ZNF292: variants seen among roughly 807,000 people sequenced by gnomAD.
ZNF292 encodes the protein zinc finger protein 292, also known as 16 zinc-finger domain protein.
ZNF292 carries 26 observed loss-of-function variants against 217.9 expected under a neutral mutation model. That is an observed-to-expected ratio of 0.12 (90% CI 0.09 to 0.17). The LOEUF is 0.17. Ranked by LOEUF, ZNF292 falls within the 10% of genes least tolerant of loss-of-function variation. The pLI is 1.00. For synonymous variants in ZNF292, 1,257 were observed against 1,124.1 expected, an observed-to-expected ratio of 1.12 and a Z score of -2.37; for missense variants, 2,904 against 3,175.2, an observed-to-expected ratio of 0.91 and a Z score of 2.05.
intron 1 of ZNF292, among the ~76,000 whole-genome samples, chr6:87,204,257 C>A (rs1772176677): frequency 6.6e-6 from 1 of 152,120 alleles, no homozygotes; most frequent in South Asian, 2.1e-4. Flanking sequence ...TATAAAACGT[C>A]ATTGGGATAA....
chr6:87,245,801 A>T (rs1341214792), intron 7 of ZNF292, among the ~76,000 whole-genome samples, 157 bp downstream of exon 7: 1 of 152,232 alleles, frequency 6.6e-6, no homozygotes, highest in East Asian at 1.9e-4. Flanking sequence ...GATATTTGAT[A>T]CAGAAAAACT....
Position 87,261,946 on chromosome 6 carries a change from A to C in ZNF292, c.*145A>C. ...CAAAAACAAAAAAGAAAAAAAAAAC[A>C]TGACATTTGTCATGTAAAACTTTTT... is the stretch of plus-strand genomic sequence containing the variant. On this transcript the variant is annotated 3_prime_UTR_variant, in exon 8 of 8. Coordinates refer to ENST00000369577, the MANE Select transcript of ZNF292 (RefSeq NM_015021.3). 1 of 563,430 alleles carries C rather than the reference A, an allele frequency of 1.8e-6. No homozygotes were observed. The highest frequency in any genetic ancestry group is 2.8e-6 in the Non-Finnish European group (1 of 356,562). The allele number at this position is 563,430 out of a possible 1,614,324, so 34.9% of individuals were successfully genotyped here. A position where few individuals can be genotyped will look rare whatever the true frequency, so the allele number is the denominator to read the frequency against.
intron 2 of ZNF292, 95 bp downstream of exon 2, chr6:87,216,152 CACACAA>C (rs751726533): frequency 1.5e-5 from 16 of 1,081,724 alleles, no homozygotes; most frequent in Non-Finnish European, 2.1e-5. Flanking sequence ...CACACACACA[CACACAA>C]CATTAAATCT....
At chr6:87,227,064 C>T (rs1042771787) in intron 4 of ZNF292, among the ~76,000 whole-genome samples, 14 of 152,146 alleles carry the variant, frequency 9.2e-5, no homozygotes, top group South Asian at 2.1e-4. Context: ...TCTTATTTTA[C>T]GCAAAAATTG....
chr6:87,201,165 G>A (rs1772089147), intron 1 of ZNF292, among the ~76,000 whole-genome samples: 1 of 152,090 alleles, frequency 6.6e-6, no homozygotes, highest in Non-Finnish European at 1.5e-5. Context: ...TATGAATTTT[G>A]TATTATGCAT....
chr6:87,243,604 T>C lies in ZNF292; in HGVS notation c.871T>C (p.Cys291Arg). 1 of 1,480,620 alleles carries C rather than the reference T, an allele frequency of 6.8e-7. No homozygotes were observed. The highest frequency in any genetic ancestry group is 8.9e-7 in the Non-Finnish European group (1 of 1,117,320). The allele number at this position is 1,480,620 out of a possible 1,614,324, so 91.7% of individuals were successfully genotyped here. ...SRQLQQGDMY[C>R]AWELTLFWSK... ...TCAGCTCCAACAAGGAGATATGTAC[T>C]GCGCTTGGTGAGTTGATCTTTTTTT... The change falls in exon 6 of 8, where the codon TGC (cysteine) becomes CGC (arginine). Residue 291 changes from cysteine to arginine, a missense_variant. By Grantham distance (180) the Cys-to-Arg change is radical. Transcript: ENST00000369577.
intron 4 of ZNF292, among the ~76,000 whole-genome samples, chr6:87,221,899 TTAATG>T (rs1284564929): frequency 2.0e-5 from 3 of 152,152 alleles, no homozygotes; most frequent in African/African-American, 7.2e-5. Context: ...TATACTTAAG[TTAATG>T]TAATGTAAGA....
Position 87,245,503 on chromosome 6 carries a change from G to T in ZNF292, c.879G>T (p.Trp293Cys). The T allele has an allele frequency of 6.7e-7, 1 of 1,499,828 alleles. No homozygotes were observed. Among genetic ancestry groups the T allele is most frequent in the Non-Finnish European group, 8.9e-7 (1 of 1,129,014 alleles). 92.9% of individuals were successfully genotyped at this position (1,499,828 alleles called of 1,614,324 possible). The change falls in exon 7 of 8, where the codon TGG becomes TGT. Residue 293 changes from tryptophan (W) to cysteine (C), a missense_variant and splice_region_variant. Coordinates refer to ENST00000369577, the MANE Select transcript of ZNF292 (RefSeq NM_015021.3). ...CTTATTATAACTTTTTTTTTTTAAG[G>T]GAACTTACTCTCTTTTGGAGTAAAT... ...QLQQGDMYCAWELTLFWSKLQ... is the reference protein window; with the variant it reads ...QLQQGDMYCACELTLFWSKLQ...
intron 5 of ZNF292, among the ~76,000 whole-genome samples, chr6:87,239,873 C>T (rs1407551069): frequency 6.6e-6 from 1 of 151,242 alleles, no homozygotes; most frequent in East Asian, 2.0e-4. Context: ...CCAGACTGGG[C>T]AGCCGGGCAG....
chr6:87,166,190 T>A (rs150522301), intron 1 of ZNF292, among the ~76,000 whole-genome samples: 97 of 152,388 alleles, frequency 6.4e-4, no homozygotes, highest in Admixed American at 1.2e-3. Flanking sequence ...CTCCATTGTT[T>A]ACTTTTTTCA....
intron 7 of ZNF292, among the ~76,000 whole-genome samples, chr6:87,249,841 C>T (rs1214928839): frequency 6.6e-6 from 1 of 151,910 alleles, no homozygotes; most frequent in Non-Finnish European, 1.5e-5. Context: ...TCTTGAGTAG[C>T]CAGGATTACA....
At chr6:87,196,437 TG>T (rs1771955090) in intron 1 of ZNF292, among the ~76,000 whole-genome samples, 1 of 152,212 alleles carries the variant, frequency 6.6e-6, no homozygotes, top group Admixed American at 6.5e-5. Flanking sequence ...AGTGTATCAC[TG>T]GGAGACAGGA....
chr6:87,171,193 A>T (rs1221997064), intron 1 of ZNF292, among the ~76,000 whole-genome samples: 3 of 152,150 alleles, frequency 2.0e-5, no homozygotes, highest in African/African-American at 7.2e-5. Context: ...GAGTTAGTTG[A>T]TGGGAGTGAA....
rs939908767 is a variant in ZNF292, at chr6:87,257,010, T to C, written c.3381T>C (p.Tyr1127=). 3.7e-6 allele frequency: 6 copies of C among 1,613,622 alleles called. No individual in the cohort carries two copies. The Admixed American group carries it at 5.0e-5, about 13-fold the overall frequency. ...TGAAGACAGCACACCCTGACCAATA[T>C]GCTGCATTTAAAATGCAGCGCAAAA... The part of the protein sequence containing the change: ...KHMKTAHPDQ[Y]AAFKMQRKSK... The change falls in exon 8 of 8, where the codon TAT becomes TAC. Residue 1127 remains tyrosine, a synonymous_variant. Transcript: ENST00000369577.
At chr6:87,221,831 A>G (rs970140309) in intron 4 of ZNF292, among the ~76,000 whole-genome samples, 1 of 152,098 alleles carries the variant, frequency 6.6e-6, no homozygotes, top group Non-Finnish European at 1.5e-5. Flanking sequence ...TGTACTCTAA[A>G]TATGATCTGG....
intron 1 of ZNF292, among the ~76,000 whole-genome samples, chr6:87,183,658 T>G (rs1771540141): frequency 6.6e-6 from 1 of 152,208 alleles, no homozygotes; most frequent in Non-Finnish European, 1.5e-5. Context: ...TAAACCACTT[T>G]ACACCATAAA....
At chr6:87,248,282 A>G (rs1774714699) in intron 7 of ZNF292, among the ~76,000 whole-genome samples, 1 of 152,228 alleles carries the variant, frequency 6.6e-6, no homozygotes, top group Non-Finnish European at 1.5e-5. Context: ...ACCTTTTAAA[A>G]TCTGTCATTG....
At chr6:87,170,416 A>T (rs1280116350) in intron 1 of ZNF292, 3 of 152,244 alleles carry the variant, frequency 2.0e-5, no homozygotes, top group Admixed American at 2.0e-4. Flanking sequence ...GCATTTCTGA[A>T]TGCATGTGTC....
chr6:87,254,418 T>G (rs773767886), intron 7 of ZNF292, among the ~76,000 whole-genome samples: 22 of 152,210 alleles, frequency 1.4e-4, no homozygotes, highest in Non-Finnish European at 2.5e-4. Flanking sequence ...CATTAAATAA[T>G]TCCATACCAA....
Sources: gnomAD v4.1 joint callset for allele counts (sites outside exome capture counted in the v4.1 genomes callset) on GRCh38, gnomAD v4.1.1 for gene constraint, MANE v1.5 for transcripts, NCBI Gene and HGNC (gene_info 2026-07-23, HGNC 2026-07-21) for gene names.